CYP19A1: variants seen among roughly 807,000 people sequenced by gnomAD.
The protein encoded by CYP19A1 is cytochrome P450 family 19 subfamily A member 1, also known as aromatase.
Under a neutral mutation model 44.4 loss-of-function variants are expected in CYP19A1, and 32 were observed. That is an observed-to-expected ratio of 0.72 (90% CI 0.54 to 0.97). CYP19A1 has a LOEUF of 0.97. CYP19A1 is among the 50% of genes least tolerant of loss of function. The pLI is 0.00. For synonymous variants in CYP19A1, 212 were observed against 215.6 expected (o/e 0.98, Z 0.14); for missense variants, 598 against 637.8 (o/e 0.94, Z 0.67).
intron 1 of CYP19A1, among the ~76,000 whole-genome samples, chr15:51,257,195 C>T (rs1457614152): frequency 6.6e-6 from 1 of 152,194 alleles, no homozygotes; most frequent in Non-Finnish European, 1.5e-5. Flanking sequence ...CTTATTATAT[C>T]TAAACCTCAC....
At chr15:51,240,080 C>T (rs1566888688) in intron 2 of CYP19A1, among the ~76,000 whole-genome samples, 2 of 48 alleles carry the variant, frequency 0.042, no homozygotes, top group Non-Finnish European at 0.091. Flanking sequence ...ACTCCCCCTT[C>T]TCCGCAGAAT....
chr15:51,288,840 G>A (rs147879254), intron 1 of CYP19A1, among the ~76,000 whole-genome samples: 11 of 152,220 alleles, frequency 7.2e-5, no homozygotes, highest in African/African-American at 2.4e-4. Context: ...CCTCCCAGCC[G>A]GCCCCACCCA....
At chr15:51,304,849 A>G (rs1025782372) in intron 1 of CYP19A1, among the ~76,000 whole-genome samples, 1 of 149,560 alleles carries the variant, frequency 6.7e-6, no homozygotes, top group African/African-American at 2.5e-5. Context: ...GTTTCTAAAT[A>G]GAACATTTGC....
intron 1 of CYP19A1, among the ~76,000 whole-genome samples, chr15:51,260,869 C>T (rs2034689876): frequency 1.3e-5 from 2 of 152,218 alleles, no homozygotes; most frequent in Non-Finnish European, 2.9e-5. Flanking sequence ...TGGGTCCTCT[C>T]TCCTTGTATG....
intron 3 of CYP19A1, among the ~76,000 whole-genome samples, chr15:51,234,958 C>A (rs369765687): frequency 1.3e-5 from 2 of 152,216 alleles, no homozygotes; most frequent in East Asian, 3.9e-4. Flanking sequence ...GGTCACTTCA[C>A]CTGTCTGCTG....
chr15:51,265,275 T>C (rs1338272248), intron 1 of CYP19A1, among the ~76,000 whole-genome samples: 1 of 152,256 alleles, frequency 6.6e-6, no homozygotes, highest in Non-Finnish European at 1.5e-5. Flanking sequence ...CTCTGAGATG[T>C]TGACCTGTTT....
At chr15:51,330,757 A>G (rs2036688269) in intron 1 of CYP19A1, among the ~76,000 whole-genome samples, 1 of 152,220 alleles carries the variant, frequency 6.6e-6, no homozygotes, top group South Asian at 2.1e-4. Context: ...GAAAACCAAG[A>G]GAAAGTAGTG....
At chr15:51,329,582 C>T (rs967041928) in intron 1 of CYP19A1, among the ~76,000 whole-genome samples, 29 of 152,164 alleles carry the variant, frequency 1.9e-4, no homozygotes, top group African/African-American at 7.0e-4. Context: ...CAAATACCAC[C>T]GGGGATGAAG....
chr15:51,294,911 A>C (rs972139698), intron 1 of CYP19A1, among the ~76,000 whole-genome samples: 1 of 151,884 alleles, frequency 6.6e-6, no homozygotes, highest in Non-Finnish European at 1.5e-5. Context: ...ATTGAGAAAT[A>C]GGATGGTTGC....
chr15:51,232,661 A>G (rs1259881523), intron 3 of CYP19A1, among the ~76,000 whole-genome samples: 1 of 151,890 alleles, frequency 6.6e-6, no homozygotes, highest in African/African-American at 2.4e-5. Context: ...CACACCCTAC[A>G]TCCAATCTGT....
At chr15:51,223,429 A>G (rs1474439872) in intron 4 of CYP19A1, among the ~76,000 whole-genome samples, 1 of 151,974 alleles carries the variant, frequency 6.6e-6, no homozygotes, top group Non-Finnish European at 1.5e-5. Flanking sequence ...TTCTTTAAGC[A>G]TCTTTTAGGA....
At chr15:51,291,133 T>C (rs2035835609) in intron 1 of CYP19A1, among the ~76,000 whole-genome samples, 1 of 152,074 alleles carries the variant, frequency 6.6e-6, no homozygotes, top group Non-Finnish European at 1.5e-5. Flanking sequence ...ATTAAAAACC[T>C]TGAAAGTAAA....
intron 1 of CYP19A1, among the ~76,000 whole-genome samples, chr15:51,290,458 A>C (rs746735173): frequency 6.6e-6 from 1 of 152,204 alleles, no homozygotes; most frequent in African/African-American, 2.4e-5. Flanking sequence ...TCTTCCATGA[A>C]CTGGCTACAC....
intron 2 of CYP19A1, among the ~76,000 whole-genome samples, chr15:51,240,931 G>A (rs1257612076): frequency 6.6e-6 from 1 of 152,216 alleles, no homozygotes; most frequent in African/African-American, 2.4e-5. Context: ...CTGGGTCTCA[G>A]TTTCCCCTTC....
intron 1 of CYP19A1, chr15:51,321,632 T>C (rs2036529738): frequency 6.6e-6 from 1 of 152,264 alleles, no homozygotes; most frequent in Admixed American, 6.5e-5. Context: ...GTCCCACTTA[T>C]GTCCCTCACT....
At chr15:51,291,458 C>T (rs2035844529) in intron 1 of CYP19A1, among the ~76,000 whole-genome samples, 2 of 152,102 alleles carry the variant, frequency 1.3e-5, no homozygotes, top group South Asian at 2.1e-4. Context: ...TTGACAAGTG[C>T]TTATTGTATA....
rs2031818246 is a variant in CYP19A1, at chr15:51,218,793, T to A, written c.629-138A>T. 6.1e-6 allele frequency: 9 copies of A among 1,479,118 alleles called. No individual in the cohort carries two copies. The East Asian group carries it at 2.2e-4, about 37-fold the overall frequency. The allele number at this position is 1,479,118 out of a possible 1,614,324, so 91.6% of individuals were successfully genotyped here. ...GGGTTCTAAGCTCAGCAAGATTCCA[T>A]CTTCAGTAGGAGTTTTAGCCACGTG... On this transcript the variant is annotated intron_variant, in intron 5 of 9. Transcript: ENST00000396402.
intron 3 of CYP19A1, among the ~76,000 whole-genome samples, chr15:51,229,094 A>G (rs1023493205): frequency 1.3e-5 from 2 of 152,304 alleles, no homozygotes; most frequent in South Asian, 4.1e-4. Context: ...CTCTGGTTCA[A>G]TGTATTAGGT....
At chr15:51,326,569 C>T (rs1450465769) in intron 1 of CYP19A1, among the ~76,000 whole-genome samples, 3 of 152,074 alleles carry the variant, frequency 2.0e-5, no homozygotes, top group African/African-American at 7.2e-5. Context: ...TGCTAAGTAC[C>T]TAAAGAAAAG....
Sources: gnomAD v4.1 joint callset for allele counts (sites outside exome capture counted in the v4.1 genomes callset) on GRCh38, gnomAD v4.1.1 for gene constraint, MANE v1.5 for transcripts, NCBI Gene and HGNC (gene_info 2026-07-23, HGNC 2026-07-21) for gene names.